KIAA0513: variants seen among roughly 807,000 people sequenced by gnomAD.
KIAA0513 encodes KIAA0513, also known as uncharacterized protein KIAA0513.
Under a neutral mutation model 56.5 loss-of-function variants are expected in KIAA0513, and 39 were observed. That is an observed-to-expected ratio of 0.69 (90% CI 0.53 to 0.90). The LOEUF (loss-of-function observed/expected upper bound fraction) is 0.90, where lower values mean the gene tolerates loss of function less well. Among genes scored for constraint, KIAA0513 ranks in the 40% least tolerant of loss-of-function variants. The probability of loss-of-function intolerance (pLI) is 0.00; values close to 1 mark genes in which losing one functional copy is unlikely to be tolerated. For missense variants in KIAA0513, 591 were observed against 535.2 expected, an observed-to-expected ratio of 1.10 and a Z score of -1.03; for synonymous variants, 268 against 215.6, an observed-to-expected ratio of 1.24 and a Z score of -2.13.
chr16:85,086,618 G>A (rs1454198882), intron 10 of KIAA0513, 26 bp from the exon 11 acceptor site: 16 of 1,609,334 alleles, frequency 9.9e-6, no homozygotes, highest in Admixed American at 5.0e-5. Context: ...TCTGAGCCCC[G>A]CTTCTGTCAC....
In KIAA0513 at chr16:85,027,849, G is replaced by A. The variant is rs1216255958; in HGVS notation, c.-182G>A. On this transcript the variant is annotated 5_prime_UTR_variant, in exon 1 of 13. Transcript: ENST00000683363. Reference sequence around the variant, plus strand: ...CGCCGGTTCGCTGCCCGGTCCGCCCGCGGTGAGAGGTGCGGTGGGGTGGCC... The same window carrying A: ...CGCCGGTTCGCTGCCCGGTCCGCCCACGGTGAGAGGTGCGGTGGGGTGGCC... 6.6e-6 allele frequency: 1 copy of A among 152,128 alleles called. No homozygotes were observed. Among genetic ancestry groups the A allele is most frequent in the South Asian group, 2.1e-4 (1 of 4,838 alleles). The allele number at this position is 152,128 out of a possible 1,614,324, so 9.4% of individuals were successfully genotyped here.
At chr16:85,047,247 G>A (rs2073184201) in intron 1 of KIAA0513, among the ~76,000 whole-genome samples, 1 of 152,166 alleles carries the variant, frequency 6.6e-6, no homozygotes, top group South Asian at 2.1e-4. Flanking sequence ...CTAACCTTCA[G>A]TGCTCAGGGT....
chr16:85,075,481 A>G (rs1207654505), intron 4 of KIAA0513, among the ~76,000 whole-genome samples: 2 of 152,114 alleles, frequency 1.3e-5, no homozygotes, highest in African/African-American at 4.8e-5. Flanking sequence ...AGTTCCCGAG[A>G]AATCAAGGGC....
intron 8 of KIAA0513, among the ~76,000 whole-genome samples, chr16:85,080,263 T>C (rs1296763982): frequency 6.6e-6 from 1 of 152,182 alleles, no homozygotes; most frequent in Non-Finnish European, 1.5e-5. Flanking sequence ...TGCTGTCTTT[T>C]CATTGTCACT....
At chr16:85,058,081 C>T (rs187309940) in intron 1 of KIAA0513, among the ~76,000 whole-genome samples, 1 of 152,328 alleles carries the variant, frequency 6.6e-6, no homozygotes, top group East Asian at 1.9e-4. Flanking sequence ...CCGGTGACTA[C>T]AGCACGCGGA....
intron 1 of KIAA0513, among the ~76,000 whole-genome samples, chr16:85,061,405 C>G (rs930342413): frequency 6.6e-6 from 1 of 152,162 alleles, no homozygotes; most frequent in Admixed American, 6.5e-5. Context: ...GTTCCTTGCC[C>G]GGTCTCTTCC....
intron 1 of KIAA0513, among the ~76,000 whole-genome samples, chr16:85,052,988 A>T (rs1448642429): frequency 6.6e-6 from 1 of 152,054 alleles, no homozygotes; most frequent in East Asian, 1.9e-4. Flanking sequence ...CCCAGGTTCA[A>T]GCGATTCTCT....
intron 10 of KIAA0513, among the ~76,000 whole-genome samples, chr16:85,083,215 C>G (rs999454480): frequency 2.2e-4 from 33 of 152,204 alleles, no homozygotes; most frequent in African/African-American, 7.7e-4. Flanking sequence ...TGTTTCCTGC[C>G]AGCCCACAGA....
At chr16:85,068,964 G>A (rs2073531574) in intron 2 of KIAA0513, among the ~76,000 whole-genome samples, 1 of 152,152 alleles carries the variant, frequency 6.6e-6, no homozygotes, top group Non-Finnish European at 1.5e-5. Flanking sequence ...ATGATTCACT[G>A]AAATTAAATA....
intron 1 of KIAA0513, among the ~76,000 whole-genome samples, chr16:85,062,883 G>T (rs539993761): frequency 6.6e-6 from 1 of 152,158 alleles, no homozygotes; most frequent in Non-Finnish European, 1.5e-5. Context: ...ACCTTGTCCT[G>T]CCTAGAGGCC....
chr16:85,084,577 C>G (rs1334839030), intron 10 of KIAA0513, among the ~76,000 whole-genome samples: 1 of 152,100 alleles, frequency 6.6e-6, no homozygotes, highest in Non-Finnish European at 1.5e-5. Context: ...TTAGAGGCAC[C>G]CACCACCATG....
intron 1 of KIAA0513, among the ~76,000 whole-genome samples, chr16:85,032,919 G>T (rs1012459060): frequency 2.0e-5 from 3 of 152,158 alleles, no homozygotes; most frequent in East Asian, 3.9e-4. Flanking sequence ...CATAGAGACC[G>T]CGCCCGGCCC....
chr16:85,088,397 AC>A lies in KIAA0513; in HGVS notation c.*76del. The stretch of plus-strand genomic sequence containing the variant: ...CTCCCGGGCCCAGCGCCCGGCCGTC[AC>A]CCCACCCGATGACCTGCATGAAGCC... On this transcript the variant is annotated 3_prime_UTR_variant, in exon 13 of 13. Transcript: ENST00000683363. 1 of 1,353,918 alleles carries A rather than the reference AC, an allele frequency of 7.4e-7. No individual in the cohort carries two copies. Among genetic ancestry groups the A allele is most frequent in the Non-Finnish European group, 1.0e-6 (1 of 959,682 alleles). 83.9% of individuals were successfully genotyped at this position (1,353,918 alleles called of 1,614,324 possible).
intron 1 of KIAA0513, among the ~76,000 whole-genome samples, chr16:85,029,277 A>G (rs2072930504): frequency 6.6e-6 from 1 of 152,178 alleles, no homozygotes; most frequent in African/African-American, 2.4e-5. Flanking sequence ...AGCGTTTGCG[A>G]TCAGATCATC....
intron 1 of KIAA0513, among the ~76,000 whole-genome samples, chr16:85,040,234 T>G (rs1413847508): frequency 6.6e-6 from 1 of 152,242 alleles, no homozygotes; most frequent in Admixed American, 6.5e-5. Flanking sequence ...GGAGACATTT[T>G]CAGTTGTGAC....
chr16:85,061,177 A>T (rs2143977754), intron 1 of KIAA0513, among the ~76,000 whole-genome samples: 1 of 152,204 alleles, frequency 6.6e-6, no homozygotes, highest in South Asian at 2.1e-4. Context: ...AAAAGAAAGA[A>T]AAGTTTCAGG....
intron 1 of KIAA0513, among the ~76,000 whole-genome samples, chr16:85,049,058 G>C (rs1227974079): frequency 1.3e-5 from 2 of 152,252 alleles, no homozygotes. Flanking sequence ...CTTCTGTGAG[G>C]TTGCTTTGCA....
chr16:85,075,649 C>T (rs1411964477), intron 4 of KIAA0513, among the ~76,000 whole-genome samples, 195 bp from the exon 5 acceptor site: 1 of 152,226 alleles, frequency 6.6e-6, no homozygotes, highest in Non-Finnish European at 1.5e-5. Context: ...AACTCCTTCC[C>T]GTTCAGAATC....
At chr16:85,061,807 A>T (rs1567533344) in intron 1 of KIAA0513, among the ~76,000 whole-genome samples, 1 of 152,142 alleles carries the variant, frequency 6.6e-6, no homozygotes, top group African/African-American at 2.4e-5. Context: ...GGGTGGGAAG[A>T]AGCAGTGGGG....
Sources: gnomAD v4.1 joint callset for allele counts (sites outside exome capture counted in the v4.1 genomes callset) on GRCh38, gnomAD v4.1.1 for gene constraint, MANE v1.5 for transcripts, NCBI Gene and HGNC (gene_info 2026-07-23, HGNC 2026-07-21) for gene names.